The following MACF1 variants were observed in gnomAD, a reference collection of about 807,000 sequenced individuals.
The protein encoded by MACF1 is microtubule actin crosslinking factor 1.
MACF1 carries 193 observed loss-of-function variants against 854.8 expected under a neutral mutation model. The observed-to-expected ratio is 0.23, with a 90% CI of 0.20 to 0.25. MACF1 has a LOEUF of 0.25. Among genes scored for constraint, MACF1 ranks in the 10% least tolerant of loss-of-function variants. MACF1 has a pLI of 1.00. For missense variants in MACF1, 7,722 were observed against 8,929.1 expected, an observed-to-expected ratio of 0.86 and a Z score of 5.45; for synonymous variants, 3,185 against 3,226.7, an observed-to-expected ratio of 0.99 and a Z score of 0.44.
chr1:39,463,799 C>T (rs1457018832), intron 94 of MACF1, 113 bp downstream of exon 94: 6 of 873,002 alleles, frequency 6.9e-6, no homozygotes, highest in Non-Finnish European at 9.4e-6. Flanking sequence ...GAGATGTGGT[C>T]ACTCTCTGAC....
intron 59 of MACF1, 94 bp from the exon 60 acceptor site, chr1:39,422,636 A>G: frequency 6.5e-7 from 1 of 1,537,260 alleles, no homozygotes; most frequent in Non-Finnish European, 8.8e-7. Flanking sequence ...ATAAAAATTT[A>G]GCAGTTGCAA....
chr1:39,410,858 C>T (rs759448887), intron 58 of MACF1: 4 of 1,614,026 alleles, frequency 2.5e-6, no homozygotes, highest in Non-Finnish European at 3.4e-6. Context: ...GAACATGTGT[C>T]CAAATCCATA....
intron 2 of MACF1, among the ~76,000 whole-genome samples, chr1:39,180,587 G>A (rs2148232973): frequency 6.6e-6 from 1 of 152,330 alleles, no homozygotes; most frequent in African/African-American, 2.4e-5. Context: ...CTAGACTCCA[G>A]CCTGGGCAAC....
At position 39,251,939 on chromosome 1, in the gene MACF1, G is replaced by A; in HGVS notation, c.355G>A (p.Val119Ile). The change falls in exon 4 of 101, where the codon GTA (valine) becomes ATA (isoleucine). Residue 119 changes from valine (V) to isoleucine (I), a missense_variant and splice_region_variant. Physicochemically the swap from Val to Ile is conservative, Grantham distance 29. This residue lies in a region of MACF1 where 82 missense variants were observed against 84.0 expected (regional missense o/e 0.98). Transcript: ENST00000564288. ...GCAGGCGGAGGAAGATGATGATGAT[G>A]TAGTAGGTCCTCCTGGGGATGCCAG... is the stretch of plus-strand genomic sequence containing the variant. ...EEQAEEDDDD[V>I]PREKGRMRFH... The A allele has an allele frequency of 6.6e-7, 1 of 1,507,018 alleles. No individual in the cohort carries two copies. The highest frequency in any genetic ancestry group is 2.6e-5 in the East Asian group (1 of 38,652). 93.4% of individuals were successfully genotyped at this position (1,507,018 alleles called of 1,614,324 possible).
Position 39,439,443 on chromosome 1 carries a change from C to A in MACF1, c.18390C>A (p.Asp6130Glu). ...TIKDTQDIVH[D>E]LESPGIDPSI... ...AAGACACCCAGGATATTGTCCATGA[C>A]TTGGAAAGCCCAGGCATTGATCCTT... Residue 6130 changes from aspartate to glutamate, a missense_variant, in exon 72 of 101, where the codon GAC (aspartate) becomes GAA (glutamate). Asp to Glu is a conservative substitution (Grantham distance 45, BLOSUM62 2). Around this residue, in one of 15 missense-constraint regions of MACF1, gnomAD observed 2,807 missense variants for 3,235.8 expected, o/e 0.87. Coordinates refer to ENST00000564288, the MANE Select transcript of MACF1 (RefSeq NM_001394062.1). 6.2e-7 allele frequency: 1 copy of A among 1,614,182 alleles called. No individual in the cohort carries two copies. Among genetic ancestry groups the A allele is most frequent in the Non-Finnish European group, 8.5e-7 (1 of 1,180,030 alleles).
At chr1:39,217,408 G>A (rs1644589720) in intron 1 of MACF1, among the ~76,000 whole-genome samples, 2 of 151,870 alleles carry the variant, frequency 1.3e-5, no homozygotes, top group South Asian at 4.2e-4. Flanking sequence ...CCAAGTAGCT[G>A]GAATTACAGG....
intron 2 of MACF1, among the ~76,000 whole-genome samples, chr1:39,173,532 A>G (rs969700316): frequency 6.6e-6 from 1 of 152,102 alleles, no homozygotes; most frequent in African/African-American, 2.4e-5. Context: ...CACTGTCAGA[A>G]TTTGATTGTT....
intron 2 of MACF1, among the ~76,000 whole-genome samples, chr1:39,184,365 G>C (rs556683257): frequency 1.1e-4 from 16 of 152,260 alleles, no homozygotes; most frequent in Middle Eastern, 3.4e-3. Context: ...TGGTTTGAAG[G>C]CATGACATTT....
intron 25 of MACF1, 58 bp from the exon 26 acceptor site, chr1:39,310,773 C>T: frequency 6.7e-7 from 1 of 1,484,936 alleles, no homozygotes; most frequent in African/African-American, 1.4e-5. Flanking sequence ...AGTAGGATAT[C>T]AGGTCTGCTT....
chr1:39,128,414 G>C (rs1269873215), intron 2 of MACF1, among the ~76,000 whole-genome samples: 1 of 152,012 alleles, frequency 6.6e-6, no homozygotes, highest in Non-Finnish European at 1.5e-5. Flanking sequence ...TAAGAGTTCT[G>C]CCATAGGGCC....
At chr1:39,480,686 A>G (rs1048207736) in intron 98 of MACF1, among the ~76,000 whole-genome samples, 1 of 152,152 alleles carries the variant, frequency 6.6e-6, no homozygotes, top group Admixed American at 6.5e-5. Flanking sequence ...AAATCCAGGC[A>G]CTGGCTGTGC....
intron 2 of MACF1, chr1:39,102,780 A>G (rs1642125713): frequency 1.4e-6 from 1 of 702,420 alleles, no homozygotes; most frequent in Non-Finnish European, 2.6e-6. Context: ...ACCCATCAGG[A>G]GCAAAAGAAA....
chr1:39,177,762 T>G (rs1644050247), intron 2 of MACF1, among the ~76,000 whole-genome samples: 1 of 152,154 alleles, frequency 6.6e-6, no homozygotes, highest in Non-Finnish European at 1.5e-5. Flanking sequence ...CTTTGCCATC[T>G]ATACCAGAAG....
intron 1 of MACF1, among the ~76,000 whole-genome samples, chr1:39,213,734 T>C (rs540171540): frequency 6.6e-6 from 1 of 152,296 alleles, no homozygotes; most frequent in East Asian, 1.9e-4. Flanking sequence ...TTCTTATGCA[T>C]TCCTTTTCCC....
intron 2 of MACF1, among the ~76,000 whole-genome samples, chr1:39,114,834 A>T (rs1642506085): frequency 6.6e-6 from 1 of 152,174 alleles, no homozygotes; most frequent in Non-Finnish European, 1.5e-5. Flanking sequence ...GTATAGCCAG[A>T]GTGAGAAAGT....
chr1:39,468,920 A>G (rs910323085), intron 96 of MACF1, among the ~76,000 whole-genome samples, 188 bp downstream of exon 96: 2 of 152,186 alleles, frequency 1.3e-5, no homozygotes, highest in African/African-American at 4.8e-5. Context: ...AAAGCTGAAG[A>G]GGTTGATGCT....
intron 58 of MACF1, among the ~76,000 whole-genome samples, chr1:39,419,162 C>T (rs990171342): frequency 5.3e-5 from 8 of 152,128 alleles, no homozygotes; most frequent in African/African-American, 1.7e-4. Context: ...CGTTCTTTAA[C>T]GTTCTGTTCA....
intron 2 of MACF1, among the ~76,000 whole-genome samples, chr1:39,167,249 A>G (rs989359263): frequency 6.7e-6 from 1 of 148,936 alleles, no homozygotes; most frequent in Non-Finnish European, 1.5e-5. Context: ...GGCTTGAGCC[A>G]CCGCACACAG....
At chr1:39,225,217 CTTT>C (rs139578945) in intron 1 of MACF1, among the ~76,000 whole-genome samples, 3 of 125,196 alleles carry the variant, frequency 2.4e-5, no homozygotes, top group African/African-American at 6.1e-5. Flanking sequence ...TTTCTTTTTT[CTTT>C]TTTTTTTGAG....
Sources: allele counts gnomAD v4.1 joint callset (sites outside exome capture counted in the v4.1 genomes callset), GRCh38; gene constraint gnomAD v4.1.1; regional missense constraint gnomAD v4.1.1; transcripts MANE v1.5; gene names NCBI Gene and HGNC (gene_info 2026-07-23, HGNC 2026-07-21).